Variants in CHD9 observed in about 807,000 individuals in gnomAD.
CHD9 encodes ATP-dependent chromatin remodeler CHD9.
In CHD9, 77 loss-of-function variants were observed where a neutral mutation model predicts 316.1. The ratio of observed to expected loss-of-function variants is 0.24; its 90% confidence interval spans 0.20 to 0.29. The LOEUF is 0.29. Ranked by LOEUF, CHD9 falls within the 10% of genes least tolerant of loss-of-function variation. The pLI, the probability that CHD9 is intolerant of heterozygous loss-of-function variation, is 1.00. For synonymous variants in CHD9, 1,129 were observed against 1,158.3 expected, an observed-to-expected ratio of 0.97 and a Z score of 0.51; for missense variants, 2,763 against 3,438.1, an observed-to-expected ratio of 0.80 and a Z score of 4.91.
In CHD9 at chr16:53,183,763, A is replaced by ACAATACAATACAATACAATG. The variant is rs2043734567; in HGVS notation, c.1453-25709_1453-25690dup. Reference sequence around the variant, plus strand: ...ACCCTGTCTGTACAAAAAATACAATACAATACAATACAATACAATGCAATA... The same window carrying ACAATACAATACAATACAATG: ...ACCCTGTCTGTACAAAAAATACAATACAATACAATACAATACAATGCAATACAATACAATACAATGCAATA... On this transcript the variant is annotated intron_variant, in intron 2 of 38. Transcript: ENST00000447540. Among the ~76,000 whole-genome samples, 4 of 152,142 alleles carry ACAATACAATACAATACAATG rather than the reference A, an allele frequency of 2.6e-5. No homozygotes were observed. In the South Asian group the frequency reaches 8.3e-4, roughly 32 times the overall value.
intron 32 of CHD9, among the ~76,000 whole-genome samples, 157 bp downstream of exon 32, chr16:53,306,554 G>T (rs1031769692): frequency 2.6e-5 from 4 of 152,160 alleles, no homozygotes; most frequent in Admixed American, 2.6e-4. Flanking sequence ...CTGCTATCAA[G>T]TAAATAGTTC....
At position 53,156,895 on chromosome 16, in the gene CHD9, A is replaced by G; in HGVS notation, c.806A>G (p.Gln269Arg). 1 of 1,613,710 alleles carries G rather than the reference A, an allele frequency of 6.2e-7. No individual in the cohort carries two copies. ...MTSCSVSNSQ[Q>R]FSSHYSFSSN... The stretch of plus-strand genomic sequence containing the variant: ...TCTTGTTCTGTCAGTAATTCACAGC[A>G]ATTTTCTTCACATTATTCCTTTTCC... Residue 269 changes from glutamine (Q) to arginine (R), a missense_variant, in exon 2 of 39, where the codon CAA (glutamine) becomes CGA (arginine). This residue lies in a region of CHD9 where 859 missense variants were observed against 890.4 expected (regional missense o/e 0.96). Coordinates refer to ENST00000447540, the MANE Select transcript of CHD9 (RefSeq NM_001308319.2).
Position 53,321,562 on chromosome 16 carries a change from T to C in CHD9, c.7750T>C (p.Cys2584Arg). The C allele has an allele frequency of 2.6e-6, 4 of 1,554,240 alleles. No individual in the cohort carries two copies. The highest frequency in any genetic ancestry group is 3.5e-6 in the Non-Finnish European group (4 of 1,145,090). Residue 2584 changes from cysteine to arginine, a missense_variant, in exon 38 of 39, where the codon TGT becomes CGT. Physicochemically the swap from Cys to Arg is radical, Grantham distance 180. This residue lies in a region of CHD9 where 298 missense variants were observed against 380.2 expected (regional missense o/e 0.78). Transcript: ENST00000447540. ...ATTTGCTCCCCCTTTGAAAGATTTA[T>C]GTAGATTCCTAAAAGAAAATTCAGA... The part of the protein sequence containing the change: ...GAFAPPLKDL[C>R]RFLKENSEYG...
At chr16:53,209,843 C>T in intron 3 of CHD9, 30 bp downstream of exon 3, 1 of 1,395,878 alleles carries the variant, frequency 7.2e-7, no homozygotes, top group Non-Finnish European at 9.7e-7. Context: ...AATTTAATTC[C>T]TTTCAATGTT....
intron 2 of CHD9, among the ~76,000 whole-genome samples, chr16:53,173,002 G>A (rs2042877105): frequency 6.6e-6 from 1 of 152,014 alleles, no homozygotes; most frequent in African/African-American, 2.4e-5. Flanking sequence ...TAAAGTTGAT[G>A]AAGTCTAGTT....
At chr16:53,068,685 C>T (rs569164977) in intron 1 of CHD9, among the ~76,000 whole-genome samples, 2 of 152,318 alleles carry the variant, frequency 1.3e-5, no homozygotes, top group South Asian at 2.1e-4. Flanking sequence ...GTGCACTGTC[C>T]TCTCCCTGAA....
rs990631817 is a variant in CHD9 at position 53,229,147 on chromosome 16, A to G, written c.2286+47A>G. On this transcript the variant is annotated intron_variant, in intron 8 of 38. Coordinates refer to ENST00000447540, the MANE Select transcript of CHD9 (RefSeq NM_001308319.2). ...CTATTATGTGTTGGTCTCTGAATAC[A>G]TGTAGCATTATTTATCAAAAATTAC... is the stretch of plus-strand genomic sequence containing the variant. 11 of 880,192 alleles carry G rather than the reference A, an allele frequency of 1.2e-5. No homozygotes were observed. The Admixed American group carries it at 1.6e-4, about 13-fold the overall frequency. The allele number at this position is 880,192 out of a possible 1,614,324, so 54.5% of individuals were successfully genotyped here.
At chr16:53,224,282 A>G (rs2047471458) in intron 4 of CHD9, among the ~76,000 whole-genome samples, 1 of 152,202 alleles carries the variant, frequency 6.6e-6, no homozygotes, top group African/African-American at 2.4e-5. Flanking sequence ...TGTGGACATA[A>G]GATTCATTTT....
intron 1 of CHD9, among the ~76,000 whole-genome samples, chr16:53,089,462 A>T (rs1029288950): frequency 1.3e-5 from 2 of 152,214 alleles, no homozygotes; most frequent in Admixed American, 1.3e-4. Flanking sequence ...TAAGTTTCAC[A>T]TATTTAATAT....
Position 53,079,187 on chromosome 16 carries a change from C to A in CHD9, c.-165+24110C>A, listed in dbSNP as rs868792021. ...CAAAAGATTTTCCTACTGGTCTGGT[C>A]CATCTTTGGTGGCAAAACTTCCACC... On this transcript the variant is annotated intron_variant, in intron 1 of 38. Coordinates refer to ENST00000447540, the MANE Select transcript of CHD9 (RefSeq NM_001308319.2). Among the ~76,000 whole-genome samples the A allele has an allele frequency of 2.0e-5, 3 of 152,292 alleles. No individual in the cohort carries two copies. The South Asian group carries it at 6.2e-4, about 32-fold the overall frequency.
Position 53,231,684 on chromosome 16 carries a change from C to A in CHD9, c.2411C>A (p.Pro804Gln). ...TACTTAGTAAAATGGTGCTCATTGC[C>A]ATATGAAGATAGTACTTGGGAACTA... ...IYYLVKWCSL[P>Q]YEDSTWELKE... The change falls in exon 10 of 39, where the codon CCA becomes CAA. Residue 804 changes from proline (P) to glutamine (Q), a missense_variant. Physicochemically the swap from Pro to Gln is moderately conservative, Grantham distance 76. Transcript: ENST00000447540. The A allele has an allele frequency of 6.2e-7, 1 of 1,605,308 alleles. No individual in the cohort carries two copies. The highest frequency in any genetic ancestry group is 1.1e-5 in the South Asian group (1 of 90,352).
intron 1 of CHD9, among the ~76,000 whole-genome samples, chr16:53,094,163 G>T (rs1326981098): frequency 6.6e-6 from 1 of 152,220 alleles, no homozygotes; most frequent in Non-Finnish European, 1.5e-5. Flanking sequence ...GAGAGAAGGT[G>T]TCTAGGCCTA....
chr16:53,250,089 A>C (rs747316412), intron 17 of CHD9, 23 bp downstream of exon 17: 2 of 1,551,290 alleles, frequency 1.3e-6, no homozygotes, highest in Non-Finnish European at 1.7e-6. Context: ...CTTGGCTAAC[A>C]AAAAATGCAT....
chr16:53,306,627 C>T (rs1489331775), intron 32 of CHD9, among the ~76,000 whole-genome samples: 1 of 152,104 alleles, frequency 6.6e-6, no homozygotes, highest in Non-Finnish European at 1.5e-5. Flanking sequence ...ATAATGAATC[C>T]TTACTTTCAA....
chr16:53,159,505 G>A lies in CHD9; in HGVS notation c.1452+1964G>A, dbSNP rs543394608. 1.9e-3 allele frequency among the ~76,000 whole-genome samples: 282 copies of A among 152,226 alleles called. 1 individual carries two copies. Among genetic ancestry groups the A allele is most frequent in the Middle Eastern group, 0.017 (5 of 294 alleles). On this transcript the variant is annotated intron_variant, in intron 2 of 38. Transcript: ENST00000447540. ...TCTGTGGACAATGAAATATACCAAA[G>A]TTCTTGAAATTAAATATTTAGGGAT...
At chr16:53,313,350 G>A (rs1036529244) in intron 34 of CHD9, among the ~76,000 whole-genome samples, 2 of 152,024 alleles carry the variant, frequency 1.3e-5, no homozygotes, top group African/African-American at 4.8e-5. Flanking sequence ...CTGTTGCCCA[G>A]GCTGGAGTGC....
At position 53,274,374 on chromosome 16, in the gene CHD9, A is replaced by G. The variant is rs2052581444; in HGVS notation, c.4967+72A>G. 3 of 844,858 alleles carry G rather than the reference A, an allele frequency of 3.6e-6. No homozygotes were observed. The Admixed American group carries it at 8.8e-5, about 25-fold the overall frequency. The allele number at this position is 844,858 out of a possible 1,614,324, so 52.3% of individuals were successfully genotyped here. A position where few individuals can be genotyped will look rare whatever the true frequency, so the allele number is the denominator to read the frequency against. On this transcript the variant is annotated intron_variant, in intron 24 of 38. Coordinates refer to ENST00000447540, the MANE Select transcript of CHD9 (RefSeq NM_001308319.2). ...CAGGCAGCTTCAAGCTCCTGGGTTC[A>G]AGCGATCCTCCCACCTCTGCCTCCT...
chr16:53,204,946 C>T (rs190462794), intron 2 of CHD9, among the ~76,000 whole-genome samples: 20 of 152,154 alleles, frequency 1.3e-4, no homozygotes, highest in Admixed American at 7.9e-4. Flanking sequence ...TGGGTTCAAG[C>T]GATTCTCCTG....
chr16:53,215,123 A>T (rs567724097), intron 3 of CHD9, among the ~76,000 whole-genome samples: 2 of 152,112 alleles, frequency 1.3e-5, no homozygotes, highest in Non-Finnish European at 1.5e-5. Flanking sequence ...TTACCGTGTT[A>T]GCCACGATGG....
Sources: allele counts gnomAD v4.1 joint callset (sites outside exome capture counted in the v4.1 genomes callset), GRCh38; gene constraint gnomAD v4.1.1; regional missense constraint gnomAD v4.1.1; transcripts MANE v1.5; gene names NCBI Gene and HGNC (gene_info 2026-07-23, HGNC 2026-07-21).